GRIN2A: variants seen among roughly 807,000 people sequenced by gnomAD.
GRIN2A encodes the protein glutamate ionotropic receptor NMDA type subunit 2A, also known as glutamate receptor ionotropic, NMDA 2A.
GRIN2A carries 22 observed loss-of-function variants against 113.4 expected under a neutral mutation model. The ratio of observed to expected loss-of-function variants is 0.19; its 90% CI spans 0.14 to 0.28. GRIN2A has a LOEUF of 0.28. Ranked by LOEUF, GRIN2A falls within the 10% of genes least tolerant of loss-of-function variation. The pLI, the probability that GRIN2A is intolerant of heterozygous loss-of-function variation, is 1.00. For missense variants in GRIN2A, 1,502 were observed against 1,887.0 expected, an observed-to-expected ratio of 0.80 and a Z score of 3.78; for synonymous variants, 827 against 738.4, an observed-to-expected ratio of 1.12 and a Z score of -1.94.
At chr16:10,171,710 G>A (rs2050047010) in intron 2 of GRIN2A, among the ~76,000 whole-genome samples, 1 of 152,104 alleles carries the variant, frequency 6.6e-6, no homozygotes, top group Non-Finnish European at 1.5e-5. Flanking sequence ...ATGTACACTG[G>A]AGAAAAATAA....
intron 3 of GRIN2A, among the ~76,000 whole-genome samples, chr16:9,932,461 C>T (rs191171803): frequency 6.6e-6 from 1 of 152,228 alleles, no homozygotes; most frequent in Admixed American, 6.5e-5. Flanking sequence ...CTGCAACCTC[C>T]ACCTCCCAGG....
intron 2 of GRIN2A, among the ~76,000 whole-genome samples, chr16:9,957,724 T>C (rs17569414): frequency 0.25 from 38,213 of 152,092 alleles, 5,568 homozygotes; most frequent in Non-Finnish European, 0.32. Context: ...TCTTCCTTAA[T>C]TGGGAAATTT....
chr16:9,769,191 T>C, intron 11 of GRIN2A, 102 bp from the exon 12 acceptor site: 1 of 900,296 alleles, frequency 1.1e-6, no homozygotes, highest in Non-Finnish European at 1.9e-6. Context: ...CACAGCTATG[T>C]AACCTTAAGA....
intron 2 of GRIN2A, among the ~76,000 whole-genome samples, chr16:9,974,170 G>A (rs1010065579): frequency 6.6e-6 from 1 of 152,058 alleles, no homozygotes; most frequent in African/African-American, 2.4e-5. Flanking sequence ...AGAGAGACAG[G>A]CCCTCTCACA....
chr16:9,953,027 A>G (rs1269067886), intron 2 of GRIN2A, among the ~76,000 whole-genome samples: 1 of 152,160 alleles, frequency 6.6e-6, no homozygotes, highest in Non-Finnish European at 1.5e-5. Context: ...ATCTTCGGGA[A>G]GGACCACTTG....
At chr16:10,125,194 A>T (rs1196229060) in intron 2 of GRIN2A, among the ~76,000 whole-genome samples, 4 of 152,208 alleles carry the variant, frequency 2.6e-5, no homozygotes, top group African/African-American at 9.6e-5. Flanking sequence ...ATGTCCTGAA[A>T]CTATGGAGTC....
chr16:9,932,943 C>A (rs2044630688), intron 3 of GRIN2A, among the ~76,000 whole-genome samples: 1 of 152,144 alleles, frequency 6.6e-6, no homozygotes, highest in Admixed American at 6.5e-5. Flanking sequence ...CTGGCCACTC[C>A]TGAACTGGAC....
At chr16:10,027,318 G>A (rs1480264386) in intron 2 of GRIN2A, among the ~76,000 whole-genome samples, 1 of 152,176 alleles carries the variant, frequency 6.6e-6, no homozygotes, top group Non-Finnish European at 1.5e-5. Context: ...GCAAAGTTTA[G>A]CATCTCAGCT....
At chr16:9,905,329 C>T (rs2141531300) in intron 3 of GRIN2A, among the ~76,000 whole-genome samples, 1 of 152,282 alleles carries the variant, frequency 6.6e-6, no homozygotes. Flanking sequence ...TCCATTACTC[C>T]ATTTCTACTT....
At chr16:10,101,264 T>C (rs1427083623) in intron 2 of GRIN2A, among the ~76,000 whole-genome samples, 1 of 152,194 alleles carries the variant, frequency 6.6e-6, no homozygotes, top group Non-Finnish European at 1.5e-5. Flanking sequence ...CCCAGGTACT[T>C]ATGCCCTCTC....
intron 2 of GRIN2A, among the ~76,000 whole-genome samples, chr16:10,022,903 T>C (rs2046751903): frequency 6.6e-6 from 1 of 152,094 alleles, no homozygotes; most frequent in Non-Finnish European, 1.5e-5. Context: ...CACTAGAAAG[T>C]ACTACACATG....
chr16:9,988,631 G>A (rs1160689695), intron 2 of GRIN2A, among the ~76,000 whole-genome samples: 1 of 152,172 alleles, frequency 6.6e-6, no homozygotes. Context: ...GCCAGGCTGA[G>A]TGATAGGTGC....
intron 4 of GRIN2A, among the ~76,000 whole-genome samples, chr16:9,851,762 C>CT (rs1314322355): frequency 1.3e-5 from 2 of 152,152 alleles, no homozygotes; most frequent in Non-Finnish European, 2.9e-5. Flanking sequence ...TTCAACCTCT[C>CT]TGAGCTTCAC....
At chr16:9,821,904 C>A (rs1196134311) in intron 10 of GRIN2A, among the ~76,000 whole-genome samples, 1 of 152,186 alleles carries the variant, frequency 6.6e-6, no homozygotes, top group Non-Finnish European at 1.5e-5. Flanking sequence ...AGAAAACCTC[C>A]TACCTAAAAT....
At chr16:10,029,089 T>C (rs1396445607) in intron 2 of GRIN2A, among the ~76,000 whole-genome samples, 1 of 152,220 alleles carries the variant, frequency 6.6e-6, no homozygotes, top group Non-Finnish European at 1.5e-5. Flanking sequence ...TCCCCAGAGC[T>C]GGAGTGGCCC....
Position 9,798,162 on chromosome 16 carries a change from A to G in GRIN2A, c.2356+115T>C, listed in dbSNP as rs183796306. ...GTTTCATGTGACAGGAACTCAGTAAATATTTTTAGGGAGCAAACTCATCAT... is the reference window on the plus strand; with the variant it reads ...GTTTCATGTGACAGGAACTCAGTAAGTATTTTTAGGGAGCAAACTCATCAT... On this transcript the variant is annotated intron_variant, in intron 11 of 12. Transcript: ENST00000330684. 1.0e-3 allele frequency: 844 copies of G among 839,570 alleles called. 3 individuals carry two copies. Among genetic ancestry groups the G allele is most frequent in the South Asian group, 1.1e-3 (79 of 69,380 alleles). The allele number at this position is 839,570 out of a possible 1,614,324, so 52.0% of individuals were successfully genotyped here.
intron 10 of GRIN2A, among the ~76,000 whole-genome samples, chr16:9,811,984 A>G (rs9938265): frequency 0.35 from 52,528 of 152,054 alleles, 10,293 homozygotes; most frequent in African/African-American, 0.54. Flanking sequence ...CTTTTGAAAC[A>G]GTAGTAAAGA....
intron 11 of GRIN2A, among the ~76,000 whole-genome samples, chr16:9,792,515 C>T (rs1456629030): frequency 2.6e-5 from 4 of 152,136 alleles, no homozygotes; most frequent in African/African-American, 9.7e-5. Context: ...TGAGCCACTG[C>T]ACCTAGCCTA....
At chr16:9,974,163 G>C (rs899618416) in intron 2 of GRIN2A, among the ~76,000 whole-genome samples, 1 of 152,154 alleles carries the variant, frequency 6.6e-6, no homozygotes, top group Non-Finnish European at 1.5e-5. Context: ...TGGAAGAAGA[G>C]AGACAGGCCC....
Sources: gnomAD v4.1 joint callset for allele counts (sites outside exome capture counted in the v4.1 genomes callset) on GRCh38, gnomAD v4.1.1 for gene constraint, MANE v1.5 for transcripts, NCBI Gene and HGNC (gene_info 2026-07-23, HGNC 2026-07-21) for gene names.